Variants in INTS14 observed in about 807,000 individuals in gnomAD.
The protein encoded by INTS14 is integrator complex subunit 14.
In INTS14, 27 loss-of-function variants were observed where a neutral mutation model predicts 56.9. That is an observed-to-expected ratio of 0.47 (90% CI 0.35 to 0.65). The LOEUF (loss-of-function observed/expected upper bound fraction) is 0.65, where lower values mean the gene tolerates loss of function less well. Ranked by LOEUF, INTS14 falls within the 30% of genes least tolerant of loss-of-function variation. The pLI is 0.00. For missense variants in INTS14, 517 were observed against 632.2 expected (o/e 0.82, Z 1.95); for synonymous variants, 207 against 236.2 (o/e 0.88, Z 1.13).
In INTS14 at chr15:65,607,170, T is replaced by C. The variant is rs1246998304; in HGVS notation, c.211A>G (p.Asn71Asp). Reference protein sequence around the residue: ...ELMVPFTRDYNTLQEALSNMD... With the variant: ...ELMVPFTRDYDTLQEALSNMD... Reference sequence around the variant, plus strand: ...ACTACATTTTGTACCTGTAGGGTATTATAATCTCTCGTGAAGGGGACCATC... The same window carrying C: ...ACTACATTTTGTACCTGTAGGGTATCATAATCTCTCGTGAAGGGGACCATC... Residue 71 changes from asparagine (N) to aspartate (D), a missense_variant, in exon 2 of 12, where the codon AAT (asparagine) becomes GAT (aspartate). Transcript: ENST00000313182. 6.2e-7 allele frequency: 1 copy of C among 1,614,188 alleles called. No individual in the cohort carries two copies. Among genetic ancestry groups the C allele is most frequent in the African/African-American group, 1.3e-5 (1 of 75,056 alleles).
At chr15:65,582,063 T>TA (rs774082157) in intron 10 of INTS14, 44 bp from the exon 11 acceptor site, 1 of 1,495,926 alleles carries the variant, frequency 6.7e-7, no homozygotes, top group East Asian at 2.3e-5. Context: ...AATTCTGTGG[T>TA]AAAAAAGGGA....
chr15:65,583,525 G>A (rs1278903921), intron 10 of INTS14, among the ~76,000 whole-genome samples: 3 of 152,136 alleles, frequency 2.0e-5, no homozygotes, highest in African/African-American at 4.8e-5. Flanking sequence ...GCCAGGGCCC[G>A]GAAGAAGGAA....
At chr15:65,595,694 AT>A in intron 7 of INTS14, 38 bp downstream of exon 7, 1 of 1,487,972 alleles carries the variant, frequency 6.7e-7, no homozygotes, top group Non-Finnish European at 9.2e-7. Context: ...ACTTTAGTTA[AT>A]AAGACGCTTC....
intron 9 of INTS14, chr15:65,587,096 A>C (rs940566529): frequency 1.3e-5 from 2 of 152,226 alleles, no homozygotes; most frequent in East Asian, 3.8e-4. Context: ...CTGAGGGAAA[A>C]TGACTTCCAA....
chr15:65,610,912 C>CCT, intron 1 of INTS14, 186 bp downstream of exon 1: 1 of 1,467,388 alleles, frequency 6.8e-7, no homozygotes, highest in Non-Finnish European at 9.0e-7. Context: ...GGACCCCGAG[C>CCT]CTCAGAGCGA....
chr15:65,605,928 A>C (rs2073627641), intron 2 of INTS14, among the ~76,000 whole-genome samples: 2 of 152,156 alleles, frequency 1.3e-5, no homozygotes, highest in Non-Finnish European at 2.9e-5. Flanking sequence ...TAAGTCACTA[A>C]TTTTTTTAAA....
At chr15:65,600,033 T>C in intron 3 of INTS14, 104 bp from the exon 4 acceptor site, 1 of 1,280,160 alleles carries the variant, frequency 7.8e-7, no homozygotes. Context: ...CAGGGCTGGC[T>C]ATGGTGGCTC....
At chr15:65,582,728 T>C (rs531310442) in intron 10 of INTS14, among the ~76,000 whole-genome samples, 1 of 152,256 alleles carries the variant, frequency 6.6e-6, no homozygotes, top group African/African-American at 2.4e-5. Context: ...CCAAAAACTT[T>C]GTGTATCAAA....
intron 9 of INTS14, among the ~76,000 whole-genome samples, chr15:65,585,271 T>C (rs2141255020): frequency 6.6e-6 from 1 of 152,268 alleles, no homozygotes; most frequent in Non-Finnish European, 1.5e-5. Flanking sequence ...TTCTGTATGA[T>C]GGAAATGTTC....
At position 65,600,063 on chromosome 15, in the gene INTS14, T is replaced by C. The variant is rs564420303; in HGVS notation, c.331-134A>G. On this transcript the variant is annotated intron_variant, in intron 3 of 11. Transcript: ENST00000313182. ...TGGCTCAAGCCTGTAATCCCAGTGC[T>C]TTGGGAGGCCAAGGCAGGACTGCTT... is the stretch of plus-strand genomic sequence containing the variant. 1.6e-5 allele frequency: 15 copies of C among 967,040 alleles called. No individual in the cohort carries two copies. In the South Asian group the frequency reaches 2.2e-4, roughly 14 times the overall value. 59.9% of individuals were successfully genotyped at this position (967,040 alleles called of 1,614,324 possible). A position where few individuals can be genotyped will look rare whatever the true frequency, so the allele number is the denominator to read the frequency against.
At chr15:65,579,748 G>T in intron 11 of INTS14, 89 bp from the exon 12 acceptor site, 2 of 1,492,048 alleles carry the variant, frequency 1.3e-6, no homozygotes, top group Non-Finnish European at 1.8e-6. Context: ...AGTTCTCCTT[G>T]ACTGAACTTT....
intron 9 of INTS14, chr15:65,586,478 C>T (rs2072829547): frequency 6.6e-6 from 1 of 152,180 alleles, no homozygotes; most frequent in African/African-American, 2.4e-5. Context: ...GAAATTGTTT[C>T]AAGTTTTTCT....
At chr15:65,596,437 GTCAC>G (rs1454829670) in intron 6 of INTS14, among the ~76,000 whole-genome samples, 3 of 152,000 alleles carry the variant, frequency 2.0e-5, no homozygotes, top group Non-Finnish European at 4.4e-5. Context: ...AGAAGAAAAA[GTCAC>G]TCATTATTCA....
At position 65,584,789 on chromosome 15, in the gene INTS14, A is replaced by G; in HGVS notation, c.1220T>C (p.Ile407Thr). Residue 407 changes from isoleucine to threonine, a missense_variant, in exon 10 of 12, where the codon ATC (isoleucine) becomes ACC (threonine). Ile to Thr is a moderately conservative substitution (Grantham distance 89). Transcript: ENST00000313182. ...RSYAQNVTVW[I>T]KPSGLQTDVQ... is the part of the protein sequence containing the mutation. ...TGTTACCTGCAGGCCGCTGGGTTTG[A>G]TCCAGACAGTCACATTCTGGGCATA... 2 of 1,613,168 alleles carry G rather than the reference A, an allele frequency of 1.2e-6. No homozygotes were observed. Among genetic ancestry groups the G allele is most frequent in the Non-Finnish European group, 1.7e-6 (2 of 1,179,574 alleles).
intron 3 of INTS14, among the ~76,000 whole-genome samples, chr15:65,602,210 G>A (rs571295489): frequency 1.5e-4 from 23 of 151,880 alleles, no homozygotes; most frequent in Admixed American, 1.3e-3. Context: ...CTGCACTCAA[G>A]CCTGGGCGAC....
At chr15:65,601,404 G>A (rs58075298) in intron 3 of INTS14, among the ~76,000 whole-genome samples, 9,492 of 151,994 alleles carry the variant, frequency 0.062, 310 homozygotes, top group African/African-American at 0.09. Flanking sequence ...GTGCGGTGGC[G>A]TGATCTCAGC....
At chr15:65,587,352 A>G (rs542823944) in intron 9 of INTS14, among the ~76,000 whole-genome samples, 2 of 152,086 alleles carry the variant, frequency 1.3e-5, no homozygotes, top group South Asian at 2.1e-4. Flanking sequence ...GACGCTAAGA[A>G]AAAAAAAGGA....
At chr15:65,610,911 G>A (rs1170269150) in intron 1 of INTS14, 187 bp downstream of exon 1, 4 of 1,466,834 alleles carry the variant, frequency 2.7e-6, no homozygotes, top group East Asian at 2.5e-5. Context: ...GGGACCCCGA[G>A]CCTCAGAGCG....
At chr15:65,603,675 C>G (rs992644889) in intron 3 of INTS14, among the ~76,000 whole-genome samples, 1 of 151,950 alleles carries the variant, frequency 6.6e-6, no homozygotes, top group Admixed American at 6.6e-5. Context: ...ACTGAGGAAT[C>G]CTTTGTTTGA....
Sources: gnomAD v4.1 joint callset for allele counts (sites outside exome capture counted in the v4.1 genomes callset) on GRCh38, gnomAD v4.1.1 for gene constraint, MANE v1.5 for transcripts, NCBI Gene and HGNC (gene_info 2026-07-23, HGNC 2026-07-21) for gene names.